The following STARD6 variants were observed in gnomAD, a reference collection of about 807,000 sequenced individuals.
STARD6 encodes stAR-related lipid transfer protein 6.
In STARD6, 21 loss-of-function variants were observed where a neutral mutation model predicts 22.3. The observed-to-expected ratio is 0.94, with a 90% CI of 0.67 to 1.35. STARD6 has a LOEUF of 1.35. Among genes scored for constraint, STARD6 ranks in the 40% most tolerant of loss-of-function variants. The pLI, the probability that STARD6 is intolerant of heterozygous loss-of-function variation, is 0.00. For synonymous variants in STARD6, 80 were observed against 88.1 expected (o/e 0.91, Z 0.52); for missense variants, 269 against 266.9 (o/e 1.01, Z -0.05).
At chr18:54,341,216 C>G (rs915636061) in intron 4 of STARD6, among the ~76,000 whole-genome samples, 4 of 152,128 alleles carry the variant, frequency 2.6e-5, no homozygotes, top group Non-Finnish European at 5.9e-5. Flanking sequence ...CCCGCCACTG[C>G]GCCCGGCTAA....
chr18:54,345,599 G>A (rs868013345), intron 4 of STARD6, among the ~76,000 whole-genome samples: 8 of 152,200 alleles, frequency 5.3e-5, no homozygotes, highest in Middle Eastern at 6.8e-3. Context: ...AAATTCATAT[G>A]GAAATGCAAG....
At chr18:54,345,554 G>A (rs940619680) in intron 4 of STARD6, among the ~76,000 whole-genome samples, 1 of 151,962 alleles carries the variant, frequency 6.6e-6, no homozygotes, top group African/African-American at 2.4e-5. Flanking sequence ...TTTTTGAGAT[G>A]GGGTCTTGCT....
chr18:54,354,656 T>C (rs1448142877), intron 2 of STARD6, 79 bp from the exon 3 acceptor site: 2 of 971,130 alleles, frequency 2.1e-6, no homozygotes, highest in East Asian at 2.6e-5. Flanking sequence ...CATTTTAATA[T>C]TATTTCTATA....
chr18:54,350,327 ATTAT>A (rs1273042604), intron 4 of STARD6, among the ~76,000 whole-genome samples: 38 of 151,400 alleles, frequency 2.5e-4, no homozygotes, highest in African/African-American at 8.7e-4. Context: ...TTTTGATGGG[ATTAT>A]TTGTTTTTTT....
At chr18:54,332,112 C>T (rs570870216) in intron 5 of STARD6, among the ~76,000 whole-genome samples, 1 of 152,012 alleles carries the variant, frequency 6.6e-6, no homozygotes, top group East Asian at 1.9e-4. Flanking sequence ...GAAATTGAAG[C>T]CTAACAGATT....
At chr18:54,332,026 G>A (rs1027178090) in intron 5 of STARD6, among the ~76,000 whole-genome samples, 167 bp from the exon 6 acceptor site, 1 of 152,092 alleles carries the variant, frequency 6.6e-6, no homozygotes, top group Non-Finnish European at 1.5e-5. Flanking sequence ...GAGTGTTAAA[G>A]GAGCATTAAA....
At chr18:54,340,152 A>G (rs1378110705) in intron 4 of STARD6, among the ~76,000 whole-genome samples, 1 of 152,134 alleles carries the variant, frequency 6.6e-6, no homozygotes, top group African/African-American at 2.4e-5. Flanking sequence ...GTATGTTTGT[A>G]TTCTCCTATT....
intron 1 of STARD6, among the ~76,000 whole-genome samples, 153 bp downstream of exon 1, chr18:54,357,639 G>A (rs2089167541): frequency 6.6e-6 from 1 of 152,142 alleles, no homozygotes; most frequent in African/African-American, 2.4e-5. Flanking sequence ...CCCTCCCGCA[G>A]ACCCCGGGGC....
chr18:54,329,499 A>G, intron 6 of STARD6, 59 bp from the exon 7 acceptor site: 1 of 1,345,812 alleles, frequency 7.4e-7, no homozygotes, highest in South Asian at 1.3e-5. Flanking sequence ...AACTATTTCC[A>G]GCAGCATATT....
At chr18:54,333,118 G>T (rs1334519871) in intron 5 of STARD6, among the ~76,000 whole-genome samples, 4 of 152,054 alleles carry the variant, frequency 2.6e-5, no homozygotes, top group Non-Finnish European at 5.9e-5. Context: ...GTCACGTCTA[G>T]TATTCTTTCT....
In STARD6 at chr18:54,335,312, A is replaced by G. The variant is rs370993134; in HGVS notation, c.267+1813T>C. Among the ~76,000 whole-genome samples the G allele has an allele frequency of 1.1e-3, 169 of 152,092 alleles. 5 individuals are homozygous for G. The South Asian group carries it at 0.031, about 28-fold the overall frequency. ...TTGGTTCAAGTGATTCTCCTGCCTCAGCCTCCCGAGTAGCTGGGGTCACAG... is the reference window on the plus strand; with the variant it reads ...TTGGTTCAAGTGATTCTCCTGCCTCGGCCTCCCGAGTAGCTGGGGTCACAG... On this transcript the variant is annotated intron_variant, in intron 5 of 7. Coordinates refer to ENST00000307844, the MANE Select transcript of STARD6 (RefSeq NM_139171.2).
intron 4 of STARD6, among the ~76,000 whole-genome samples, chr18:54,343,512 T>C (rs1460814441): frequency 5.0e-5 from 4 of 80,140 alleles, no homozygotes; most frequent in African/African-American, 1.1e-4. Flanking sequence ...GGAGCCCCTC[T>C]GCCCGGCCAG....
chr18:54,326,326 C>CTTTTTTTTTTTTTTTTTTT (rs11353724), intron 7 of STARD6, among the ~76,000 whole-genome samples: 5 of 120,272 alleles, frequency 4.2e-5, no homozygotes, highest in Non-Finnish European at 8.5e-5. Context: ...GCTGACAGGT[C>CTTTTTTTTTTTTTTTTTTT]TTTTTTTTTT....
At chr18:54,345,092 A>G (rs1014979063) in intron 4 of STARD6, among the ~76,000 whole-genome samples, 1 of 152,196 alleles carries the variant, frequency 6.6e-6, no homozygotes, top group African/African-American at 2.4e-5. Flanking sequence ...CAGATTGAAA[A>G]GGAAGAAGTA....
At chr18:54,338,627 T>G (rs2088938801) in intron 4 of STARD6, among the ~76,000 whole-genome samples, 1 of 150,860 alleles carries the variant, frequency 6.6e-6, no homozygotes, top group Non-Finnish European at 1.5e-5. Flanking sequence ...ACCTAAAACG[T>G]TGTTTTAAAA....
At chr18:54,332,718 C>T (rs2088875268) in intron 5 of STARD6, among the ~76,000 whole-genome samples, 1 of 152,164 alleles carries the variant, frequency 6.6e-6, no homozygotes, top group African/African-American at 2.4e-5. Context: ...ATCTCTCCCT[C>T]ACCAGTAGGT....
At position 54,326,182 on chromosome 18, in the gene STARD6, C is replaced by G. The variant is rs139308409; in HGVS notation, c.480-1307G>C. Reference sequence around the variant, plus strand: ...ATCCACACTAAGTGGTACTATGGTGCTTTACCTTGGTATATAAAAATCTTT... The same window carrying G: ...ATCCACACTAAGTGGTACTATGGTGGTTTACCTTGGTATATAAAAATCTTT... On this transcript the variant is annotated intron_variant, in intron 7 of 7. Transcript: ENST00000307844. Among the ~76,000 whole-genome samples the G allele has an allele frequency of 3.9e-4, 60 of 152,074 alleles. No individual in the cohort carries two copies. In the East Asian group the frequency reaches 0.011, roughly 28 times the overall value.
intron 2 of STARD6, among the ~76,000 whole-genome samples, chr18:54,355,564 C>G (rs1200923372): frequency 6.6e-6 from 1 of 152,130 alleles, no homozygotes; most frequent in African/African-American, 2.4e-5. Context: ...CAGAAGTTAG[C>G]AGTCTGCAAC....
In STARD6 at chr18:54,352,716, G is replaced by T. The variant is rs146345567; in HGVS notation, c.140+1338C>A. On this transcript the variant is annotated intron_variant, in intron 4 of 7. Coordinates refer to ENST00000307844, the MANE Select transcript of STARD6 (RefSeq NM_139171.2). ...CAATTGTTTAGTTTTGCATGTAAGA[G>T]TAAAATATCTCTGATGAAAATTTCC... Among the ~76,000 whole-genome samples, 182 of 152,314 alleles carry T rather than the reference G, an allele frequency of 1.2e-3. 1 individual carries two copies. Among genetic ancestry groups the T allele is most frequent in the African/African-American group, 4.2e-3 (174 of 41,580 alleles).
Sources: gnomAD v4.1 joint callset for allele counts (sites outside exome capture counted in the v4.1 genomes callset) on GRCh38, gnomAD v4.1.1 for gene constraint, MANE v1.5 for transcripts, NCBI Gene and HGNC (gene_info 2026-07-23, HGNC 2026-07-21) for gene names.